Variants in SAMMSON observed in about 807,000 individuals in gnomAD.
The protein encoded by SAMMSON is survival associated mitochondrial melanoma specific oncogenic non-coding RNA.
At chr3:70,046,270 G>A (rs1393123705) in intron 3 of SAMMSON, among the ~76,000 whole-genome samples, 1 of 152,062 alleles carries the variant, frequency 6.6e-6, no homozygotes, top group East Asian at 1.9e-4. Flanking sequence ...GGTGACCAAT[G>A]AAAATATTTA....
chr3:70,024,055 A>G (rs973004939), intron 3 of SAMMSON, among the ~76,000 whole-genome samples: 1 of 151,960 alleles, frequency 6.6e-6, no homozygotes, highest in African/African-American at 2.4e-5. Flanking sequence ...CTAATTTCAC[A>G]TCTGCCTCAA....
chr3:70,276,028 G>A (rs780698104), intron 6 of SAMMSON, among the ~76,000 whole-genome samples: 4 of 151,740 alleles, frequency 2.6e-5, no homozygotes, highest in Non-Finnish European at 4.4e-5. Flanking sequence ...TTGATGAAGA[G>A]CATTTCAAAC....
At chr3:70,067,431 TTCTTACTAGAAATTC>T (rs1329539947) in intron 3 of SAMMSON, among the ~76,000 whole-genome samples, 11 of 152,102 alleles carry the variant, frequency 7.2e-5, no homozygotes, top group Non-Finnish European at 5.9e-5. Context: ...ACTGGTTTTT[TTCTTACTAGAAATTC>T]ATGATTCATT....
chr3:70,043,413 G>T (rs370042494), intron 3 of SAMMSON, among the ~76,000 whole-genome samples: 2 of 151,934 alleles, frequency 1.3e-5, no homozygotes, highest in African/African-American at 4.8e-5. Flanking sequence ...AATGTAGTTG[G>T]CCAGAAAGCT....
intron 4 of SAMMSON, among the ~76,000 whole-genome samples, chr3:70,124,631 T>C (rs376590311): frequency 6.6e-6 from 1 of 151,526 alleles, no homozygotes; most frequent in South Asian, 2.1e-4. Flanking sequence ...GCTAACACAG[T>C]GAAATCCCGT....
Position 70,169,660 on chromosome 3 carries a change from C to G in SAMMSON, n.508-79447C>G, listed in dbSNP as rs1259062727. Among the ~76,000 whole-genome samples, 4 of 139,154 alleles carry G rather than the reference C, an allele frequency of 2.9e-5. No homozygotes were observed. The East Asian group carries it at 8.3e-4, about 29-fold the overall frequency. 91.3% of individuals were successfully genotyped at this position (139,154 alleles called of 152,430 possible). On this transcript the variant is annotated intron_variant and non_coding_transcript_variant, in intron 4 of 9. Coordinates refer to ENST00000642114, the Ensembl canonical transcript of SAMMSON. The stretch of plus-strand genomic sequence containing the variant: ...TTTCTTTTTTCTTTTTTTTTTTTTC[C>G]TTCTCAAGAGGTAATTGATTTGCTC...
At chr3:70,199,627 A>G (rs1427279531) in intron 4 of SAMMSON, among the ~76,000 whole-genome samples, 2 of 152,188 alleles carry the variant, frequency 1.3e-5, no homozygotes, top group Non-Finnish European at 2.9e-5. Context: ...ATAGTTCTAC[A>G]TGAGCAGGTA....
chr3:70,017,400 A>G (rs1215717684), intron 3 of SAMMSON, among the ~76,000 whole-genome samples: 5 of 152,018 alleles, frequency 3.3e-5, no homozygotes, highest in Non-Finnish European at 7.4e-5. Context: ...TTATTGGTGT[A>G]TAAGAATGCT....
chr3:70,175,361 G>A (rs1372466649), intron 4 of SAMMSON, among the ~76,000 whole-genome samples: 2 of 152,056 alleles, frequency 1.3e-5, no homozygotes, highest in African/African-American at 4.8e-5. Context: ...AGACCAATCA[G>A]AGTTATCAAA....
chr3:70,124,184 C>G (rs998490676), intron 4 of SAMMSON, among the ~76,000 whole-genome samples: 3 of 152,180 alleles, frequency 2.0e-5, no homozygotes, highest in African/African-American at 4.8e-5. Flanking sequence ...TACCATATCT[C>G]TAGCACACAG....
At chr3:70,125,549 G>T (rs2067454446) in intron 4 of SAMMSON, 2 of 695,974 alleles carry the variant, frequency 2.9e-6, no homozygotes, top group South Asian at 1.5e-5. Context: ...TATACTGGAT[G>T]CATCAGCTTC....
intron 4 of SAMMSON, among the ~76,000 whole-genome samples, chr3:70,244,812 A>G (rs1191992648): frequency 1.3e-5 from 2 of 152,238 alleles, no homozygotes; most frequent in Non-Finnish European, 2.9e-5. Flanking sequence ...CTATGTATAT[A>G]TCCATGCCTC....
intron 4 of SAMMSON, among the ~76,000 whole-genome samples, chr3:70,185,805 T>C (rs1398541681): frequency 2.7e-5 from 1 of 37,124 alleles, no homozygotes; most frequent in Non-Finnish European, 6.0e-5. Context: ...ACCCCGCCTC[T>C]ACAAAAAAAA....
intron 9 of SAMMSON, among the ~76,000 whole-genome samples, chr3:70,371,786 C>A (rs754500289): frequency 5.9e-5 from 9 of 152,050 alleles, no homozygotes; most frequent in Non-Finnish European, 1.0e-4. Context: ...CAAAGAGGGA[C>A]ATTTTGGCTT....
At chr3:70,224,717 G>GT (rs540424878) in intron 4 of SAMMSON, among the ~76,000 whole-genome samples, 4,916 of 148,736 alleles carry the variant, frequency 0.033, 148 homozygotes, top group Non-Finnish European at 0.044. Context: ...TTCACCCTTG[G>GT]TTTTTTTTTT....
chr3:70,071,813 T>C (rs898899036), intron 4 of SAMMSON: 1 of 152,004 alleles, frequency 6.6e-6, no homozygotes, highest in African/African-American at 2.4e-5. Context: ...GCTTGAAGGG[T>C]AGCTTTTAAC....
At chr3:70,084,063 A>G (rs1299083228) in intron 4 of SAMMSON, among the ~76,000 whole-genome samples, 1 of 152,156 alleles carries the variant, frequency 6.6e-6, no homozygotes, top group Non-Finnish European at 1.5e-5. Context: ...ATACCAGCAC[A>G]TACACTTTAA....
chr3:70,041,037 C>T (rs1011464696), intron 3 of SAMMSON, among the ~76,000 whole-genome samples: 2 of 152,072 alleles, frequency 1.3e-5, no homozygotes, highest in African/African-American at 2.4e-5. Context: ...TTTTCATGTT[C>T]TTGCAGTAAA....
At chr3:70,039,710 A>G (rs2067099554) in intron 3 of SAMMSON, among the ~76,000 whole-genome samples, 1 of 150,830 alleles carries the variant, frequency 6.6e-6, no homozygotes, top group Non-Finnish European at 1.5e-5. Context: ...GTCTCAGGGG[A>G]GGTGGTTCCC....
Sources: gnomAD v4.1 joint callset for allele counts (sites outside exome capture counted in the v4.1 genomes callset) on GRCh38, gnomAD v4.1.1 for gene constraint, MANE v1.5 for transcripts, NCBI Gene and HGNC (gene_info 2026-07-23, HGNC 2026-07-21) for gene names.